DRC9: variants seen among roughly 807,000 people sequenced by gnomAD.
DRC9 encodes the protein dynein regulatory complex subunit 9.
the DRC9 span, among the ~76,000 whole-genome samples, chr3:197,923,302 G>A: frequency 1.3e-5 from 2 of 152,084 alleles, no homozygotes; most frequent in African/African-American, 4.8e-5. Context: ...TACTTTTCCA[G>A]TTATTTTTAT....
the DRC9 span, among the ~76,000 whole-genome samples, chr3:197,912,054 T>A: frequency 6.6e-6 from 1 of 152,118 alleles, no homozygotes. Flanking sequence ...TTGGTTTTTG[T>A]TTTTGAGACG....
chr3:197,908,586 C>G, the DRC9 span, among the ~76,000 whole-genome samples: 1 of 147,122 alleles, frequency 6.8e-6, no homozygotes, highest in Admixed American at 6.8e-5. Flanking sequence ...GAAGAGCAAG[C>G]AACCCTTTCC....
the DRC9 span, among the ~76,000 whole-genome samples, chr3:197,953,298 G>A: frequency 6.6e-6 from 1 of 152,194 alleles, no homozygotes; most frequent in Non-Finnish European, 1.5e-5. Context: ...ATTGCTTGAT[G>A]CCAGGAGATA....
the DRC9 span, chr3:197,958,114 C>T: frequency 2.6e-5 from 4 of 152,332 alleles, no homozygotes; most frequent in Middle Eastern, 6.8e-3. Context: ...GTTGCCCAGC[C>T]TGTAGTGCAG....
At chr3:197,900,518 C>A in the DRC9 span, among the ~76,000 whole-genome samples, 1 of 135,602 alleles carries the variant, frequency 7.4e-6, no homozygotes, top group African/African-American at 3.0e-5. This position sits in a 1 kb window ranked among gnomAD's most constrained non-coding sequence, Gnocchi z 4.7. Context: ...CACAGCAGAA[C>A]AGGGCACTCA....
the DRC9 span, among the ~76,000 whole-genome samples, chr3:197,905,002 A>G: frequency 6.6e-6 from 1 of 152,210 alleles, no homozygotes; most frequent in African/African-American, 2.4e-5. Flanking sequence ...CAAACTTCAC[A>G]TGTTCTTCTT....
chr3:197,907,709 G>C, the DRC9 span, among the ~76,000 whole-genome samples: 2 of 152,158 alleles, frequency 1.3e-5, no homozygotes, highest in Non-Finnish European at 2.9e-5. Flanking sequence ...GGTCTGAAGA[G>C]TGAGCCGTTT....
At chr3:197,960,111 T>A in the DRC9 span, 1 of 889,296 alleles carries the variant, frequency 1.1e-6, no homozygotes, top group Non-Finnish European at 1.7e-6. Flanking sequence ...GGCGAACTTC[T>A]AGCGGGTGAC....
chr3:197,889,700 C>T, the DRC9 span: 1 of 1,614,170 alleles, frequency 6.2e-7, no homozygotes, highest in East Asian at 2.2e-5. Context: ...TAGTGCCTCG[C>T]CACCAGGCCT....
At chr3:197,938,766 C>A in the DRC9 span, 5 of 1,609,422 alleles carry the variant, frequency 3.1e-6, no homozygotes, top group East Asian at 2.2e-5. Context: ...CTTCTAGATT[C>A]ATTTCTCTGC....
At chr3:197,943,773 T>C in the DRC9 span, 1 of 1,613,546 alleles carries the variant, frequency 6.2e-7, no homozygotes, top group Admixed American at 1.7e-5. Context: ...TGAGTGGGTC[T>C]ATACCACGCA....
chr3:197,927,452 C>G, the DRC9 span, among the ~76,000 whole-genome samples: 1 of 152,196 alleles, frequency 6.6e-6, no homozygotes, highest in South Asian at 2.1e-4. Flanking sequence ...TCTCGAATTC[C>G]TGACGTCAGG....
chr3:197,958,543 A>ATATC, the DRC9 span: 2 of 152,238 alleles, frequency 1.3e-5, no homozygotes, highest in Non-Finnish European at 2.9e-5. Flanking sequence ...ACCTGTGGAC[A>ATATC]TATCCATGAA....
chr3:197,949,838 C>G, the DRC9 span: 3 of 385,428 alleles, frequency 7.8e-6, no homozygotes, highest in Non-Finnish European at 1.4e-5. Context: ...ATCAATCTTA[C>G]AGTCAATCAT....
chr3:197,946,174 G>A, the DRC9 span, among the ~76,000 whole-genome samples: 2 of 152,222 alleles, frequency 1.3e-5, no homozygotes, highest in African/African-American at 2.4e-5. Flanking sequence ...GGGGGCTCAC[G>A]CCTGTAATCC....
the DRC9 span, among the ~76,000 whole-genome samples, chr3:197,896,341 TAA>T: frequency 3.4e-5 from 5 of 146,784 alleles, no homozygotes; most frequent in African/African-American, 1.2e-4. Context: ...AAAACTCCGT[TAA>T]AAAAAAAAAA....
chr3:197,952,719 C>G, the DRC9 span: 1 of 152,246 alleles, frequency 6.6e-6, no homozygotes, highest in East Asian at 1.9e-4. Flanking sequence ...GTCTTGAACT[C>G]CTGACCTCAA....
the DRC9 span, among the ~76,000 whole-genome samples, chr3:197,929,351 C>T: frequency 6.6e-6 from 1 of 152,172 alleles, no homozygotes; most frequent in East Asian, 1.9e-4. The surrounding 1 kb of genome is among the most constrained non-coding windows in gnomAD (Gnocchi z 4.6). Flanking sequence ...TCTTTTCTGC[C>T]CAGCCATGCT....
chr3:197,929,648 T>C, the DRC9 span, among the ~76,000 whole-genome samples: 5 of 151,978 alleles, frequency 3.3e-5, no homozygotes. This position sits in a 1 kb window ranked among gnomAD's most constrained non-coding sequence, Gnocchi z 4.6. Flanking sequence ...TAGTGGCAAA[T>C]GTCTTCCAGC....
Sources: allele counts gnomAD v4.1 joint callset (sites outside exome capture counted in the v4.1 genomes callset), GRCh38; gene constraint gnomAD v4.1.1; non-coding constraint Gnocchi (gnomAD v3.1); transcripts MANE v1.5; gene names NCBI Gene and HGNC (gene_info 2026-07-23, HGNC 2026-07-21).